The following ARHGEF3 variants were observed in gnomAD, a reference collection of about 807,000 sequenced individuals.
ARHGEF3 encodes Rho guanine nucleotide exchange factor 3, also known as 59.8 kDA protein.
A neutral mutation model predicts 63.2 loss-of-function variants in ARHGEF3; 28 were observed. The ratio of observed to expected loss-of-function variants is 0.44; its 90% CI spans 0.33 to 0.61. The LOEUF is 0.61. Ranked by LOEUF, ARHGEF3 falls within the 20% of genes least tolerant of loss-of-function variation. The pLI, the probability that ARHGEF3 is intolerant of heterozygous loss-of-function variation, is 0.03. For missense variants in ARHGEF3, 533 were observed against 659.3 expected (o/e 0.81, Z 2.10); for synonymous variants, 266 against 254.2 (o/e 1.05, Z -0.44).
chr3:56,931,162 G>A (rs2042399247), intron 3 of ARHGEF3, among the ~76,000 whole-genome samples: 1 of 152,138 alleles, frequency 6.6e-6, no homozygotes, highest in Non-Finnish European at 1.5e-5. Flanking sequence ...TTGAGAAATT[G>A]CTGATGAACT....
At chr3:56,994,115 A>C (rs948077353) in intron 2 of ARHGEF3, among the ~76,000 whole-genome samples, 3 of 149,978 alleles carry the variant, frequency 2.0e-5, no homozygotes, top group African/African-American at 7.4e-5. Context: ...ACACAATCTA[A>C]ACGTGTGTTA....
chr3:56,843,791 T>C (rs1308870922), intron 4 of ARHGEF3, among the ~76,000 whole-genome samples: 2 of 152,194 alleles, frequency 1.3e-5, no homozygotes, highest in Non-Finnish European at 2.9e-5. Context: ...AGAAGAAGAT[T>C]CCCTTTACTT....
chr3:56,860,410 TG>T (rs2040034115), intron 4 of ARHGEF3, among the ~76,000 whole-genome samples: 1 of 152,190 alleles, frequency 6.6e-6, no homozygotes, highest in Admixed American at 6.5e-5. Flanking sequence ...CTCTAGCTCC[TG>T]GCCTCAAGCA....
At chr3:56,987,782 C>T (rs1701601199) in intron 2 of ARHGEF3, among the ~76,000 whole-genome samples, 1 of 152,222 alleles carries the variant, frequency 6.6e-6, no homozygotes, top group South Asian at 2.1e-4. Flanking sequence ...ACATGGACAC[C>T]TCAGGGCCTC....
chr3:56,954,733 G>A (rs1331083855), intron 3 of ARHGEF3, among the ~76,000 whole-genome samples: 2 of 152,170 alleles, frequency 1.3e-5, no homozygotes, highest in Non-Finnish European at 2.9e-5. Context: ...TGCAATTAAT[G>A]AAGATGACAA....
At chr3:56,814,016 C>A (rs190117273) in intron 4 of ARHGEF3, among the ~76,000 whole-genome samples, 1 of 152,302 alleles carries the variant, frequency 6.6e-6, no homozygotes, top group Admixed American at 6.5e-5. Context: ...CAAATTAATT[C>A]TCACTTCCTA....
intron 3 of ARHGEF3, among the ~76,000 whole-genome samples, chr3:56,954,774 A>G (rs1412470365): frequency 1.3e-5 from 2 of 152,188 alleles, no homozygotes; most frequent in Admixed American, 6.5e-5. Context: ...CTTGGTAAGG[A>G]GAGGGGATAT....
intron 2 of ARHGEF3, among the ~76,000 whole-genome samples, chr3:56,965,613 T>G (rs13082999): frequency 6.6e-6 from 1 of 151,440 alleles, no homozygotes; most frequent in African/African-American, 2.4e-5. Flanking sequence ...TAATGTTTAT[T>G]GATAAGGAAG....
chr3:56,947,838 C>T (rs1351836802), intron 3 of ARHGEF3, among the ~76,000 whole-genome samples: 2 of 152,164 alleles, frequency 1.3e-5, no homozygotes, highest in African/African-American at 4.8e-5. Context: ...CTTCTCAGCA[C>T]CACACCGCAC....
At chr3:56,761,799 G>C (rs1164308323) in intron 2 of ARHGEF3, among the ~76,000 whole-genome samples, 3 of 152,110 alleles carry the variant, frequency 2.0e-5, no homozygotes, top group African/African-American at 4.8e-5. Context: ...CCGGTGGTAA[G>C]GTGACTGTCA....
chr3:56,836,654 A>C (rs1215544190), intron 4 of ARHGEF3, among the ~76,000 whole-genome samples: 1 of 152,148 alleles, frequency 6.6e-6, no homozygotes, highest in Non-Finnish European at 1.5e-5. Flanking sequence ...GGCCAGGCGC[A>C]GTAGCTTACG....
Position 56,732,265 on chromosome 3 carries a change from G to A in ARHGEF3, c.1201C>T (p.Arg401Ter). ...DGEVRLGGSL[R>*]GAFSNNERIK... Reference sequence around the variant, plus strand: ...CTCTCATTGTTGCTGAATGCCCCTCGCAGGGAGCCACCCAGCCTCACTTCT... The same window carrying A: ...CTCTCATTGTTGCTGAATGCCCCTCACAGGGAGCCACCCAGCCTCACTTCT... Residue 401 changes from arginine to a stop codon, truncating the protein, a stop_gained, in exon 9 of 10, where the codon CGA becomes TGA. Coordinates refer to ENST00000296315, the MANE Select transcript of ARHGEF3 (RefSeq NM_019555.3). LOFTEE classifies it high-confidence loss of function. 6.2e-7 allele frequency: 1 copy of A among 1,614,104 alleles called. No homozygotes were observed.
At chr3:56,791,227 A>G (rs1352787720) in intron 1 of ARHGEF3, among the ~76,000 whole-genome samples, 1 of 151,982 alleles carries the variant, frequency 6.6e-6, no homozygotes, top group Admixed American at 6.6e-5. Context: ...ACATAATGAG[A>G]CCCTGACTCT....
At chr3:56,825,589 G>T (rs913234328) in intron 4 of ARHGEF3, among the ~76,000 whole-genome samples, 3 of 152,176 alleles carry the variant, frequency 2.0e-5, no homozygotes, top group African/African-American at 4.8e-5. Flanking sequence ...GTTTTATTTT[G>T]TAATGCAGTT....
intron 4 of ARHGEF3, among the ~76,000 whole-genome samples, chr3:56,857,580 ACT>A (rs2039929683): frequency 6.6e-6 from 1 of 152,102 alleles, no homozygotes. Context: ...GATTGACCTA[ACT>A]CTGTACTTTT....
rs58764863 is a variant in ARHGEF3, at chr3:56,813,744, G to A, written c.193-39928C>T. 8.7e-3 allele frequency among the ~76,000 whole-genome samples: 1,317 copies of A among 152,180 alleles called. 29 individuals carry two copies. The highest frequency in any genetic ancestry group is 0.03 in the African/African-American group (1,231 of 41,520). ...CATTTAAAAAAAACCTGTAACAATA[G>A]TTCACTATTCTTTTCCTAAATGCTT... On this transcript the variant is annotated intron_variant, in intron 4 of 12. Transcript: ENST00000338458.
Position 56,961,505 on chromosome 3 carries a change from G to T in ARHGEF3, c.63-2616C>A, listed in dbSNP as rs559829301. Among the ~76,000 whole-genome samples, 34 of 152,274 alleles carry T rather than the reference G, an allele frequency of 2.2e-4. No homozygotes were observed. In the South Asian group the frequency reaches 6.2e-3, roughly 28 times the overall value. On this transcript the variant is annotated intron_variant, in intron 2 of 12. Coordinates refer to the ARHGEF3 transcript ENST00000338458. ...TACCCCTGAAAGAAAGCTGCCTGGG[G>T]GTTCCTTGTGGGAGGGCAGCAGCTT...
rs116507283 is a variant in ARHGEF3, at chr3:56,867,049, T to C, written c.192+15243A>G. Among the ~76,000 whole-genome samples, 749 of 152,386 alleles carry C rather than the reference T, an allele frequency of 4.9e-3. 7 individuals carry two copies. The highest frequency in any genetic ancestry group is 0.016 in the African/African-American group (658 of 41,602). On this transcript the variant is annotated intron_variant, in intron 4 of 12. Coordinates refer to the ARHGEF3 transcript ENST00000338458. Reference sequence around the variant, plus strand: ...TTATTTTTACCTATCTTGCTTTGTATATCACAAGGTCTCTTCAGGTAGACC... The same window carrying C: ...TTATTTTTACCTATCTTGCTTTGTACATCACAAGGTCTCTTCAGGTAGACC...
intron 1 of ARHGEF3, among the ~76,000 whole-genome samples, chr3:56,787,686 A>C (rs2036889635): frequency 6.6e-6 from 1 of 151,872 alleles, no homozygotes; most frequent in African/African-American, 2.4e-5. Context: ...CGCCACCCCG[A>C]CACTGGCTTC....
Sources: allele counts gnomAD v4.1 joint callset (sites outside exome capture counted in the v4.1 genomes callset), GRCh38; gene constraint gnomAD v4.1.1; transcripts MANE v1.5; gene names NCBI Gene and HGNC (gene_info 2026-07-23, HGNC 2026-07-21).